NRG1: variants seen among roughly 807,000 people sequenced by gnomAD.
NRG1 encodes the protein neuregulin 1, also known as pro-neuregulin-1, membrane-bound isoform.
A neutral mutation model predicts 63.8 loss-of-function variants in NRG1; 18 were observed. The observed-to-expected ratio is 0.28, with a 90% confidence interval of 0.19 to 0.42. The LOEUF (loss-of-function observed/expected upper bound fraction) is 0.42, where lower values mean the gene tolerates loss of function less well. Among genes scored for constraint, NRG1 ranks in the 10% least tolerant of loss-of-function variants. The probability of loss-of-function intolerance (pLI) is 1.00; values close to 1 mark genes in which losing one functional copy is unlikely to be tolerated. For missense variants in NRG1, 762 were observed against 814.7 expected (o/e 0.94, Z 0.79); for synonymous variants, 302 against 301.3 (o/e 1.00, Z -0.02).
At chr8:32,280,354 CA>C (rs1232984630) in intron 1 of NRG1, among the ~76,000 whole-genome samples, 3 of 152,184 alleles carry the variant, frequency 2.0e-5, no homozygotes, top group African/African-American at 4.8e-5. Context: ...TGAAAAAAGT[CA>C]AGAAACTGGA....
At chr8:31,701,238 C>T (rs1180760344) in intron 1 of NRG1, among the ~76,000 whole-genome samples, 1 of 152,114 alleles carries the variant, frequency 6.6e-6, no homozygotes, top group African/African-American at 2.4e-5. Context: ...CGTAAAATTA[C>T]ATACAGCACA....
chr8:32,637,090 T>A lies in NRG1; in HGVS notation c.502+20205T>A, dbSNP rs543640354. Among the ~76,000 whole-genome samples, 8 of 152,228 alleles carry A rather than the reference T, an allele frequency of 5.3e-5. No homozygotes were observed. The East Asian group carries it at 1.4e-3, about 26-fold the overall frequency. On this transcript the variant is annotated intron_variant, in intron 5 of 11. Transcript: ENST00000356819. Reference sequence around the variant, plus strand: ...CACCATGAAAAATTTTTTAAAAAGTTCCAGCATTTTATTATGAAATTTTCA... The same window carrying A: ...CACCATGAAAAATTTTTTAAAAAGTACCAGCATTTTATTATGAAATTTTCA...
At chr8:32,009,037 T>G (rs1002751300) in intron 1 of NRG1, among the ~76,000 whole-genome samples, 4 of 152,104 alleles carry the variant, frequency 2.6e-5, no homozygotes, top group African/African-American at 9.7e-5. Context: ...TGTTGATGAC[T>G]TCCAGGTCTA....
At chr8:32,052,555 AT>A (rs1230510767) in intron 1 of NRG1, among the ~76,000 whole-genome samples, 2 of 152,140 alleles carry the variant, frequency 1.3e-5, no homozygotes, top group African/African-American at 4.8e-5. Flanking sequence ...ATCTAAAAAA[AT>A]AGTTTAGGAC....
chr8:32,127,081 G>GT (rs1834168470), intron 1 of NRG1, among the ~76,000 whole-genome samples: 1 of 151,924 alleles, frequency 6.6e-6, no homozygotes, highest in African/African-American at 2.4e-5. Flanking sequence ...TCTCCAATCT[G>GT]TATGTATGTA....
chr8:32,748,337 G>GCACACACACACA (rs1310986635), intron 7 of NRG1, among the ~76,000 whole-genome samples: 1 of 104,466 alleles, frequency 9.6e-6, no homozygotes, highest in African/African-American at 3.2e-5. Context: ...ACGCGCGCGC[G>GCACACACACACA]CGCACACACA....
intron 1 of NRG1, among the ~76,000 whole-genome samples, chr8:32,181,711 G>A (rs1180719523): frequency 6.6e-6 from 1 of 152,118 alleles, no homozygotes; most frequent in Non-Finnish European, 1.5e-5. Flanking sequence ...CACAGCTATT[G>A]ATTTATAACT....
chr8:32,011,253 G>A (rs141036024), intron 1 of NRG1, among the ~76,000 whole-genome samples: 196 of 152,160 alleles, frequency 1.3e-3, no homozygotes, highest in Middle Eastern at 6.8e-3. Context: ...TTTTTCAAAT[G>A]AGGACCACAA....
intron 11 of NRG1, chr8:32,763,453 G>A (rs1352485901): frequency 7.4e-7 from 1 of 1,360,214 alleles, no homozygotes; most frequent in Admixed American, 2.2e-5. Flanking sequence ...ATGCCTTCTT[G>A]TCTTGGCTCA....
intron 5 of NRG1, among the ~76,000 whole-genome samples, chr8:32,639,991 T>C (rs1852030778): frequency 6.6e-6 from 1 of 152,174 alleles, no homozygotes; most frequent in Non-Finnish European, 1.5e-5. Flanking sequence ...AAAAGCAAAA[T>C]TATATCTTGC....
chr8:32,311,314 C>G (rs1486482875), intron 1 of NRG1, among the ~76,000 whole-genome samples: 4 of 152,092 alleles, frequency 2.6e-5, no homozygotes, highest in Non-Finnish European at 4.4e-5. Context: ...TTAAGTGCTA[C>G]CGATAAGATG....
intron 1 of NRG1, among the ~76,000 whole-genome samples, chr8:32,196,498 T>C (rs1016837331): frequency 6.6e-6 from 1 of 152,086 alleles, no homozygotes; most frequent in Non-Finnish European, 1.5e-5. Flanking sequence ...TAAACTAGGA[T>C]GAGAAGACAA....
At chr8:31,677,046 T>C (rs1441966262) in intron 1 of NRG1, among the ~76,000 whole-genome samples, 1 of 152,110 alleles carries the variant, frequency 6.6e-6, no homozygotes. Context: ...ACTACTCAAT[T>C]CTAAACCTGA....
intron 1 of NRG1, among the ~76,000 whole-genome samples, chr8:31,962,407 C>A (rs1381506726): frequency 6.6e-6 from 1 of 152,048 alleles, no homozygotes; most frequent in African/African-American, 2.4e-5. Context: ...ATGGAGTTAG[C>A]AATGTTAAGT....
At chr8:32,274,860 G>A (rs1851924570) in intron 1 of NRG1, among the ~76,000 whole-genome samples, 1 of 151,652 alleles carries the variant, frequency 6.6e-6, no homozygotes, top group South Asian at 2.1e-4. Flanking sequence ...TGTCTCTCTG[G>A]GAAAAAAAAA....
chr8:32,407,318 ATTATATATATATATG>A (rs1563421026), intron 1 of NRG1, among the ~76,000 whole-genome samples: 3 of 3,756 alleles, frequency 8.0e-4, no homozygotes, highest in Non-Finnish European at 1.1e-3. Context: ...ATATATATAT[ATTATATATATATATG>A]GCCAACCATA....
intron 1 of NRG1, among the ~76,000 whole-genome samples, chr8:31,981,646 C>G (rs1809121627): frequency 6.6e-6 from 1 of 151,958 alleles, no homozygotes; most frequent in African/African-American, 2.4e-5. Flanking sequence ...TCTCATCTTA[C>G]ATTTCTTACC....
intron 1 of NRG1, among the ~76,000 whole-genome samples, chr8:32,449,980 G>A (rs1820756519): frequency 6.6e-6 from 1 of 152,102 alleles, no homozygotes; most frequent in Non-Finnish European, 1.5e-5. Context: ...TCCGGGATGG[G>A]AACAGGCTGG....
intron 1 of NRG1, among the ~76,000 whole-genome samples, chr8:32,385,637 C>T (rs989672287): frequency 6.6e-6 from 1 of 152,028 alleles, no homozygotes; most frequent in African/African-American, 2.4e-5. Flanking sequence ...CACACTTTTA[C>T]AAGAATTTAC....
Sources: gnomAD v4.1 joint callset for allele counts (sites outside exome capture counted in the v4.1 genomes callset) on GRCh38, gnomAD v4.1.1 for gene constraint, MANE v1.5 for transcripts, NCBI Gene and HGNC (gene_info 2026-07-23, HGNC 2026-07-21) for gene names.